The following RPS6KA6 variants were observed in gnomAD, a reference collection of about 807,000 sequenced individuals.
The protein encoded by RPS6KA6 is ribosomal protein S6 kinase A6.
A neutral mutation model predicts 65.4 loss-of-function variants in RPS6KA6; 27 were observed. The observed-to-expected ratio is 0.41, with a 90% CI of 0.30 to 0.57. The LOEUF is 0.57. Among genes scored for constraint, RPS6KA6 ranks in the 20% least tolerant of loss-of-function variants. The probability of loss-of-function intolerance (pLI) is 0.24; values close to 1 mark genes in which losing one functional copy is unlikely to be tolerated. For synonymous variants in RPS6KA6, 190 were observed against 184.2 expected (o/e 1.03, Z -0.26); for missense variants, 486 against 555.6 (o/e 0.87, Z 1.26).
chrX:84,145,896 C>T (rs922259729), intron 5 of RPS6KA6, among the ~76,000 whole-genome samples: 6 of 111,295 alleles, frequency 5.4e-5, no homozygotes, highest in Admixed American at 3.8e-4. Context: ...AATGCCACTT[C>T]CTCTATTAAA....
chrX:84,157,201 T>C (rs1602471639), intron 2 of RPS6KA6, among the ~76,000 whole-genome samples: 1 of 111,466 alleles, frequency 9.0e-6, no homozygotes, highest in African/African-American at 3.3e-5. Flanking sequence ...CCATGGAATA[T>C]AGGTAGTCAG....
At chrX:84,155,209 C>A (rs1263780955) in intron 3 of RPS6KA6, among the ~76,000 whole-genome samples, 2 of 110,708 alleles carry the variant, frequency 1.8e-5, no homozygotes, top group Non-Finnish European at 3.8e-5. Context: ...TTCTAAAACC[C>A]AATAAAATAA....
intron 18 of RPS6KA6, among the ~76,000 whole-genome samples, chrX:84,101,086 G>T (rs1356826760): frequency 9.0e-6 from 1 of 110,574 alleles, no homozygotes; most frequent in South Asian, 3.7e-4. Flanking sequence ...TAGAAGATAG[G>T]AATTCTTCTC....
intron 20 of RPS6KA6, among the ~76,000 whole-genome samples, chrX:84,084,055 T>C (rs1368075469): frequency 9.1e-6 from 1 of 110,332 alleles, no homozygotes; most frequent in African/African-American, 3.3e-5. Context: ...TTTGACAACT[T>C]TTGAATGTTT....
chrX:84,088,493 T>TA (rs1271362537), intron 20 of RPS6KA6, among the ~76,000 whole-genome samples: 1 of 112,006 alleles, frequency 8.9e-6, no homozygotes, highest in African/African-American at 3.2e-5. Flanking sequence ...AATCTGCTCC[T>TA]TACTCTGGGA....
chrX:84,082,956 T>C (rs748847212), intron 20 of RPS6KA6, among the ~76,000 whole-genome samples: 15 of 112,295 alleles, frequency 1.3e-4, no homozygotes, highest in African/African-American at 4.9e-4. Context: ...TCAAGATGGA[T>C]TAAAGACTTA....
chrX:84,082,170 AT>A (rs1158739934), intron 20 of RPS6KA6, among the ~76,000 whole-genome samples: 1 of 111,891 alleles, frequency 8.9e-6, no homozygotes, highest in Non-Finnish European at 1.9e-5. Context: ...CTGTTTGCAG[AT>A]GACATTATTG....
intron 8 of RPS6KA6, among the ~76,000 whole-genome samples, chrX:84,134,325 G>T (rs2034955527): frequency 9.0e-6 from 1 of 111,610 alleles, no homozygotes; most frequent in South Asian, 3.7e-4. Flanking sequence ...TGTGAACATA[G>T]GTTTTTATTT....
intron 3 of RPS6KA6, among the ~76,000 whole-genome samples, chrX:84,150,087 T>C (rs1377488530): frequency 8.9e-6 from 1 of 111,780 alleles, no homozygotes; most frequent in African/African-American, 3.3e-5. Context: ...TCTTTCCTTT[T>C]TCTCTTCATG....
At chrX:84,086,550 T>G (rs2033926445) in intron 20 of RPS6KA6, among the ~76,000 whole-genome samples, 1 of 111,458 alleles carries the variant, frequency 9.0e-6, no homozygotes, top group South Asian at 3.7e-4. Context: ...TTTTCTTTTT[T>G]TTTGCATTTG....
At position 84,064,151 on chromosome X, in the gene RPS6KA6, A is replaced by C. The variant is rs1415321483; in HGVS notation, c.*126T>G. On this transcript the variant is annotated 3_prime_UTR_variant, in exon 22 of 22. Transcript: ENST00000262752. ...TTTTTAAATCTCACTTCCCCTAAAA[A>C]TGGGGATTTAATATTACTTAATATT... 5 of 759,800 alleles carry C rather than the reference A, an allele frequency of 6.6e-6. No individual in the cohort carries two copies. The highest frequency in any genetic ancestry group is 4.0e-5 in the Admixed American group (1 of 24,840). 62.6% of individuals were successfully genotyped at this position (759,800 alleles called of 1,213,427 possible). A position where few individuals can be genotyped will look rare whatever the true frequency, so the allele number is the denominator to read the frequency against.
At chrX:84,138,744 T>A (rs2035040622) in intron 6 of RPS6KA6, among the ~76,000 whole-genome samples, 1 of 110,841 alleles carries the variant, frequency 9.0e-6, no homozygotes, top group Admixed American at 9.6e-5. Flanking sequence ...CTACCACATT[T>A]TCTTGAATAA....
intron 1 of RPS6KA6, among the ~76,000 whole-genome samples, chrX:84,175,638 G>A (rs1347360591): frequency 2.7e-5 from 3 of 111,006 alleles, no homozygotes; most frequent in Non-Finnish European, 5.7e-5. Flanking sequence ...AAAGCAAAAG[G>A]GTGGGAAAGA....
Position 84,096,227 on chromosome X carries a change from A to G in RPS6KA6, c.1938T>C (p.Gly646=). 8.4e-7 allele frequency: 1 copy of G among 1,196,002 alleles called. No individual in the cohort carries two copies. The highest frequency in any genetic ancestry group is 1.1e-6 in the Non-Finnish European group (1 of 881,720). Residue 646 remains glycine (G), a synonymous_variant, in exon 20 of 22, where the codon GGT becomes GGC. Transcript: ENST00000262752. ...RIGNGKFSLS[G]GNWDNISDGA... The stretch of plus-strand genomic sequence containing the variant: ...CGTCTGAAATATTGTCCCAGTTTCC[A>G]CCACTCAAAGAGAATTTTCCATTGC...
chrX:84,079,353 C>T (rs1481665345), intron 20 of RPS6KA6, among the ~76,000 whole-genome samples: 1 of 111,452 alleles, frequency 9.0e-6, no homozygotes, highest in Non-Finnish European at 1.9e-5. Context: ...GCCTAAACCA[C>T]CAGGGCCCTA....
chrX:84,065,187 C>T (rs2033373638), intron 20 of RPS6KA6, 76 bp from the exon 21 acceptor site: 1 of 697,724 alleles, frequency 1.4e-6, no homozygotes, highest in Non-Finnish European at 2.1e-6. Context: ...GAAAATGTGA[C>T]AGCATCAATA....
At chrX:84,180,746 C>T (rs944411618) in intron 1 of RPS6KA6, among the ~76,000 whole-genome samples, 3 of 111,883 alleles carry the variant, frequency 2.7e-5, no homozygotes, top group Non-Finnish European at 5.7e-5. Flanking sequence ...TGAATCAGCA[C>T]ATCTGACTGC....
intron 20 of RPS6KA6, among the ~76,000 whole-genome samples, chrX:84,074,079 T>C (rs2033607659): frequency 1.8e-5 from 2 of 112,216 alleles, no homozygotes. Flanking sequence ...CTCCTATATT[T>C]ACTGCAGCAC....
At chrX:84,136,262 T>C (rs1433872204) in intron 6 of RPS6KA6, among the ~76,000 whole-genome samples, 1 of 111,295 alleles carries the variant, frequency 9.0e-6, no homozygotes, top group Admixed American at 9.6e-5. Context: ...CTCTGGATTA[T>C]TAAGAAGGCT....
Sources: allele counts gnomAD v4.1 joint callset (sites outside exome capture counted in the v4.1 genomes callset), GRCh38; gene constraint gnomAD v4.1.1; transcripts MANE v1.5; gene names NCBI Gene and HGNC (gene_info 2026-07-23, HGNC 2026-07-21).